Variants in SNX4 observed in about 807,000 individuals in gnomAD.
SNX4 encodes sorting nexin 4.
SNX4 carries 49 observed loss-of-function variants against 70.8 expected under a neutral mutation model. That is an observed-to-expected ratio of 0.69 (90% CI 0.55 to 0.88). SNX4 has a LOEUF of 0.88. SNX4 is among the 40% of genes least tolerant of loss of function. The pLI, the probability that SNX4 is intolerant of heterozygous loss-of-function variation, is 0.00. For missense variants in SNX4, 528 were observed against 544.8 expected (o/e 0.97, Z 0.31); for synonymous variants, 206 against 183.8 (o/e 1.12, Z -0.98).
chr3:125,509,869 A>C (rs1266637571), intron 1 of SNX4, among the ~76,000 whole-genome samples: 1 of 152,132 alleles, frequency 6.6e-6, no homozygotes, highest in Non-Finnish European at 1.5e-5. Context: ...AACATCACTC[A>C]TCATTAGGTA....
chr3:125,496,592 T>A (rs1934799799), intron 5 of SNX4, among the ~76,000 whole-genome samples: 1 of 152,124 alleles, frequency 6.6e-6, no homozygotes, highest in Admixed American at 6.6e-5. Flanking sequence ...ACCTATTCAG[T>A]TTACACCAGA....
chr3:125,469,716 C>T (rs1007546321), intron 8 of SNX4, among the ~76,000 whole-genome samples, 197 bp from the exon 9 acceptor site: 3 of 152,000 alleles, frequency 2.0e-5, no homozygotes, highest in Non-Finnish European at 4.4e-5. Flanking sequence ...AGGCTTCAAA[C>T]GTTGATGCTT....
intron 10 of SNX4, among the ~76,000 whole-genome samples, chr3:125,459,766 T>A (rs1436166944): frequency 1.3e-5 from 2 of 152,044 alleles, no homozygotes; most frequent in Non-Finnish European, 2.9e-5. Context: ...GACTTGAAAA[T>A]ACATTGGTGA....
intron 6 of SNX4, among the ~76,000 whole-genome samples, chr3:125,481,505 A>C (rs1331298772): frequency 1.3e-5 from 2 of 150,314 alleles, no homozygotes; most frequent in African/African-American, 2.5e-5. Flanking sequence ...CTGGAGTGCA[A>C]TGGCGCAATC....
intron 1 of SNX4, among the ~76,000 whole-genome samples, chr3:125,506,344 C>CTTTTTTTTTTTTT: frequency 7.3e-6 from 1 of 137,720 alleles, no homozygotes; most frequent in Non-Finnish European, 1.6e-5. Context: ...TTTTTCATTT[C>CTTTTTTTTTTTTT]TTTTTTTTTT....
At chr3:125,479,014 CG>C (rs1436117726) in intron 7 of SNX4, among the ~76,000 whole-genome samples, 1 of 152,120 alleles carries the variant, frequency 6.6e-6, no homozygotes, top group African/African-American at 2.4e-5. Flanking sequence ...AACAGTTAAA[CG>C]GGAGATCAAG....
intron 1 of SNX4, among the ~76,000 whole-genome samples, chr3:125,518,268 G>A (rs959781557): frequency 4.6e-5 from 7 of 152,018 alleles, no homozygotes; most frequent in African/African-American, 1.7e-4. Context: ...AGGCAAGTCT[G>A]GGCAACACAG....
At chr3:125,475,564 C>T (rs1299526554) in intron 8 of SNX4, among the ~76,000 whole-genome samples, 4 of 152,142 alleles carry the variant, frequency 2.6e-5, no homozygotes, top group Non-Finnish European at 5.9e-5. Context: ...GAGGTTTCAC[C>T]ATGTTGGCCA....
At chr3:125,480,637 T>C (rs1328285203) in intron 6 of SNX4, among the ~76,000 whole-genome samples, 2 of 152,200 alleles carry the variant, frequency 1.3e-5, no homozygotes, top group Non-Finnish European at 2.9e-5. Context: ...AAAGATACAT[T>C]ATGGTGCAAT....
At chr3:125,495,281 CAT>C (rs1559821387) in intron 5 of SNX4, among the ~76,000 whole-genome samples, 2 of 26,468 alleles carry the variant, frequency 7.6e-5, no homozygotes, top group Non-Finnish European at 2.8e-4. Context: ...TATATATACA[CAT>C]ACACACACAC....
chr3:125,510,987 C>T (rs988956071), intron 1 of SNX4, among the ~76,000 whole-genome samples: 32 of 152,240 alleles, frequency 2.1e-4, no homozygotes, highest in Admixed American at 1.3e-3. Flanking sequence ...GGCACGATCT[C>T]GGCTGACCGC....
chr3:125,458,506 T>C (rs2107528327), intron 10 of SNX4, among the ~76,000 whole-genome samples: 1 of 152,202 alleles, frequency 6.6e-6, no homozygotes, highest in Admixed American at 6.5e-5. Flanking sequence ...ATAAAAGTAA[T>C]CCATGTTCAC....
At chr3:125,450,449 T>C (rs895948922) in intron 13 of SNX4, among the ~76,000 whole-genome samples, 1 of 152,236 alleles carries the variant, frequency 6.6e-6, no homozygotes, top group African/African-American at 2.4e-5. Flanking sequence ...AAGAATTGTA[T>C]ATATATTTAT....
intron 8 of SNX4, among the ~76,000 whole-genome samples, chr3:125,475,445 A>G (rs931057397): frequency 2.6e-5 from 4 of 152,104 alleles, no homozygotes; most frequent in Non-Finnish European, 4.4e-5. Flanking sequence ...GCTCACTGCA[A>G]CCTTCACTTC....
intron 1 of SNX4, among the ~76,000 whole-genome samples, chr3:125,507,850 T>C (rs928864868): frequency 3.3e-5 from 5 of 152,028 alleles, no homozygotes; most frequent in African/African-American, 1.2e-4. Flanking sequence ...GAGGCGGAGG[T>C]TGCAGTGAGC....
rs1934380330 is a variant in SNX4, at chr3:125,480,258, G to A, written c.715C>T (p.Arg239Ter). 1.9e-6 allele frequency: 3 copies of A among 1,559,216 alleles called. No individual in the cohort carries two copies. The highest frequency in any genetic ancestry group is 1.8e-5 in the Admixed American group (1 of 54,400). ...TGGGGACCACTTACAGCTCTGACTCGAAGAAGATGTGAGATGACAGACTGC... is the reference window on the plus strand; with the variant it reads ...TGGGGACCACTTACAGCTCTGACTCAAAGAAGATGTGAGATGACAGACTGC... ...ELQSVISHLL[R>*]VRARVADRLY... Residue 239 changes from arginine to a stop codon, truncating the protein, a stop_gained, in exon 7 of 14, where the codon CGA becomes TGA. Coordinates refer to ENST00000251775, the MANE Select transcript of SNX4 (RefSeq NM_003794.4). LOFTEE classifies it high-confidence loss of function.
At chr3:125,505,728 C>T (rs1162314439) in intron 1 of SNX4, among the ~76,000 whole-genome samples, 3 of 152,182 alleles carry the variant, frequency 2.0e-5, no homozygotes, top group Non-Finnish European at 4.4e-5. Context: ...TTCCAGGGGA[C>T]TTCAAAAGCC....
At chr3:125,476,010 T>A (rs1014857256) in intron 8 of SNX4, among the ~76,000 whole-genome samples, 6 of 151,354 alleles carry the variant, frequency 4.0e-5, no homozygotes, top group African/African-American at 1.5e-4. Flanking sequence ...GGCATACACC[T>A]GTAATCCAGC....
intron 2 of SNX4, among the ~76,000 whole-genome samples, chr3:125,499,254 T>A (rs1215553619): frequency 1.3e-5 from 2 of 152,074 alleles, no homozygotes; most frequent in Admixed American, 6.5e-5. Context: ...CTTCTAAACA[T>A]TATCAGGACC....
Sources: gnomAD v4.1 joint callset for allele counts (sites outside exome capture counted in the v4.1 genomes callset) on GRCh38, gnomAD v4.1.1 for gene constraint, MANE v1.5 for transcripts, NCBI Gene and HGNC (gene_info 2026-07-23, HGNC 2026-07-21) for gene names.